Variants in UNC80 observed in about 807,000 individuals in gnomAD.
UNC80 encodes the protein unc-80 subunit of NALCN channel complex.
Under a neutral mutation model 384.6 loss-of-function variants are expected in UNC80, and 164 were observed. The observed-to-expected ratio is 0.43, with a 90% CI of 0.38 to 0.49. The LOEUF is 0.49. UNC80 is among the 20% of genes least tolerant of loss of function. The pLI, the probability that UNC80 is intolerant of heterozygous loss-of-function variation, is 0.00. For synonymous variants in UNC80, 1,486 were observed against 1,527.8 expected (o/e 0.97, Z 0.64); for missense variants, 3,330 against 4,143.0 (o/e 0.80, Z 5.39).
At chr2:209,774,971 T>G (rs1298219108) in intron 2 of UNC80, among the ~76,000 whole-genome samples, 2 of 152,224 alleles carry the variant, frequency 1.3e-5, no homozygotes, top group Admixed American at 6.5e-5. Context: ...TAATACAGTT[T>G]GAACACTTGG....
At chr2:209,801,441 G>A (rs1335283654) in intron 7 of UNC80, among the ~76,000 whole-genome samples, 1 of 139,842 alleles carries the variant, frequency 7.2e-6, no homozygotes, top group Non-Finnish European at 1.5e-5. Context: ...GAAGTGCAGT[G>A]GCACAATCTC....
chr2:209,929,464 T>C (rs2090684024), intron 36 of UNC80, among the ~76,000 whole-genome samples: 1 of 152,200 alleles, frequency 6.6e-6, no homozygotes, highest in South Asian at 2.1e-4. Flanking sequence ...CTAATTCATA[T>C]GCATTCTAAA....
rs931521266 is a variant in UNC80 at position 209,829,204 on chromosome 2, C to T, written c.2479-28C>T. On this transcript the variant is annotated intron_variant, in intron 14 of 64. Coordinates refer to ENST00000673920, the MANE Select transcript of UNC80 (RefSeq NM_001371986.1). ...CCATAGCTTAAGCTGGTACTTGTGA[C>T]TTTTTCACTTTTCTTCCTTCATTGC... 3 of 1,550,176 alleles carry T rather than the reference C, an allele frequency of 1.9e-6. No individual in the cohort carries two copies. The Admixed American group carries it at 5.9e-5, about 30-fold the overall frequency.
At chr2:209,846,547 G>T (rs2082184895) in intron 21 of UNC80, among the ~76,000 whole-genome samples, 1 of 151,744 alleles carries the variant, frequency 6.6e-6, no homozygotes, top group African/African-American at 2.4e-5. Flanking sequence ...ATATGATAAT[G>T]ATTTGCCAAC....
intron 7 of UNC80, chr2:209,794,854 T>C (rs1194819156): frequency 6.7e-6 from 3 of 447,562 alleles, no homozygotes; most frequent in Non-Finnish European, 1.3e-5. Flanking sequence ...GAACTGTAAC[T>C]CCAATTAAAC....
chr2:209,779,195 T>C (rs1310590233), intron 4 of UNC80, among the ~76,000 whole-genome samples: 3 of 152,206 alleles, frequency 2.0e-5, no homozygotes, highest in African/African-American at 7.2e-5. Flanking sequence ...CTGCAGGACC[T>C]ACCCCTGTGC....
At chr2:209,911,121 G>A (rs1024760828) in intron 29 of UNC80, among the ~76,000 whole-genome samples, 2 of 152,060 alleles carry the variant, frequency 1.3e-5, no homozygotes, top group Non-Finnish European at 2.9e-5. Context: ...TTCACAGGGC[G>A]GCAGGAGAGA....
intron 10 of UNC80, 147 bp from the exon 11 acceptor site, chr2:209,817,665 A>G: frequency 1.1e-6 from 1 of 942,456 alleles, no homozygotes; most frequent in Non-Finnish European, 1.6e-6. Context: ...TCCCCATGGC[A>G]AGTTCAGTTC....
rs963906112 is a variant in UNC80 at position 209,999,193 on chromosome 2, A to G, written c.*3598A>G. 1.3e-5 allele frequency: 2 copies of G among 152,254 alleles called. No homozygotes were observed. The highest frequency in any genetic ancestry group is 4.8e-5 in the African/African-American group (2 of 41,478). The allele number at this position is 152,254 out of a possible 1,614,324, so 9.4% of individuals were successfully genotyped here. On this transcript the variant is annotated 3_prime_UTR_variant, in exon 65 of 65. Transcript: ENST00000673920. ...TGACCAAAGAACATGGAAAAAATGC[A>G]TATGAATAAATACTGAAATGTTTAT...
chr2:209,803,782 G>T (rs868457435), intron 7 of UNC80, among the ~76,000 whole-genome samples: 1 of 151,952 alleles, frequency 6.6e-6, no homozygotes, highest in Non-Finnish European at 1.5e-5. Context: ...ACTGAGACTG[G>T]AGTGCAGTGG....
intron 37 of UNC80, among the ~76,000 whole-genome samples, chr2:209,930,694 C>T (rs1444872921): frequency 6.6e-6 from 1 of 151,752 alleles, no homozygotes; most frequent in Non-Finnish European, 1.5e-5. Context: ...TTGCCTGTGA[C>T]CTACACACAC....
Position 209,772,087 on chromosome 2 carries a change from G to C in UNC80, c.15G>C (p.Lys5Asn). Reference sequence around the variant, plus strand: ...GAGCCACCATTATGGTGAAGAGGAAGAGCTCCGAGGGCCAGGAGCAGGACG... The same window carrying C: ...GAGCCACCATTATGGTGAAGAGGAACAGCTCCGAGGGCCAGGAGCAGGACG... MVKR[K>N]SSEGQEQDGG... The change falls in exon 1 of 65, where the codon AAG becomes AAC. Residue 5 changes from lysine to asparagine, a missense_variant. Lys to Asn is a moderately conservative substitution (Grantham distance 94). This residue lies in a region of UNC80 where 86 missense variants were observed against 141.5 expected (regional missense o/e 0.61). Transcript: ENST00000673920. 6.5e-7 allele frequency: 1 copy of C among 1,549,630 alleles called. No individual in the cohort carries two copies. The highest frequency in any genetic ancestry group is 8.7e-7 in the Non-Finnish European group (1 of 1,146,356).
At chr2:209,985,726 A>T (rs1438931602) in intron 61 of UNC80, among the ~76,000 whole-genome samples, 1 of 152,184 alleles carries the variant, frequency 6.6e-6, no homozygotes, top group Non-Finnish European at 1.5e-5. Context: ...CTTCTTGTTC[A>T]TCCTTAGAGT....
At chr2:209,833,404 A>G (rs751748470) in intron 16 of UNC80, among the ~76,000 whole-genome samples, 1 of 152,202 alleles carries the variant, frequency 6.6e-6, no homozygotes, top group African/African-American at 2.4e-5. Flanking sequence ...TGATTCACCA[A>G]TATATTGGTT....
At chr2:209,939,371 A>G (rs903205286) in intron 42 of UNC80, 101 bp from the exon 43 acceptor site, 2 of 1,238,798 alleles carry the variant, frequency 1.6e-6, no homozygotes, top group African/African-American at 3.0e-5. Context: ...CGACTTTATC[A>G]ACCCAGTTTG....
chr2:209,858,325 AG>A (rs1168908739), intron 22 of UNC80, among the ~76,000 whole-genome samples: 1 of 152,204 alleles, frequency 6.6e-6, no homozygotes, highest in Non-Finnish European at 1.5e-5. Context: ...CAATTTCATT[AG>A]GTTAGTATTG....
intron 30 of UNC80, among the ~76,000 whole-genome samples, chr2:209,913,434 TCTA>T (rs1026494672): frequency 3.9e-5 from 6 of 152,134 alleles, no homozygotes; most frequent in African/African-American, 1.4e-4. Flanking sequence ...TTGGTGGAAA[TCTA>T]CTATTAGGAA....
intron 7 of UNC80, among the ~76,000 whole-genome samples, chr2:209,806,636 AAAG>A (rs1316028548): frequency 1.3e-5 from 2 of 152,222 alleles, no homozygotes; most frequent in African/African-American, 2.4e-5. Flanking sequence ...ATTAATCAGA[AAAG>A]AAGAGAACTT....
chr2:209,882,866 A>G (rs574246046), intron 25 of UNC80, among the ~76,000 whole-genome samples: 2 of 152,218 alleles, frequency 1.3e-5, no homozygotes, highest in Non-Finnish European at 2.9e-5. Flanking sequence ...ATAAAACTAG[A>G]GTTTAATGGT....
Sources: gnomAD v4.1 joint callset for allele counts (sites outside exome capture counted in the v4.1 genomes callset) on GRCh38, gnomAD v4.1.1 for gene constraint, gnomAD v4.1.1 regional missense constraint, MANE v1.5 for transcripts, NCBI Gene and HGNC (gene_info 2026-07-23, HGNC 2026-07-21) for gene names.